The following CNPY2 variants were observed in gnomAD, a reference collection of about 807,000 sequenced individuals.
CNPY2 encodes canopy FGF signaling regulator 2.
In CNPY2, 19 loss-of-function variants were observed where a neutral mutation model predicts 25.5. The ratio of observed to expected loss-of-function variants is 0.74; its 90% CI spans 0.52 to 1.09. The LOEUF (loss-of-function observed/expected upper bound fraction) is 1.09, where lower values mean the gene tolerates loss of function less well. CNPY2 is among the 50% of genes least tolerant of loss of function. CNPY2 has a pLI of 0.00. For synonymous variants in CNPY2, 82 were observed against 85.0 expected (o/e 0.96, Z 0.19); for missense variants, 214 against 233.6 (o/e 0.92, Z 0.55).
chr12:56,312,053 G>T (rs955454139), intron 3 of CNPY2: 13 of 152,348 alleles, frequency 8.5e-5, no homozygotes, highest in Non-Finnish European at 1.9e-4. Flanking sequence ...CTAATTTTTT[G>T]TATTTTTAGT....
At chr12:56,316,338 T>G (rs1174906729), upstream of CNPY2, 1 of 152,192 alleles carries the variant, frequency 6.6e-6, no homozygotes, top group Non-Finnish European at 1.5e-5. Context: ...GCAGTCCAGG[T>G]TTCAATACAC....
At position 56,311,071 on chromosome 12, in the gene CNPY2, G is replaced by A. The variant is rs762263521; in HGVS notation, c.409-17C>T. 20 of 1,612,898 alleles carry A rather than the reference G, an allele frequency of 1.2e-5. No homozygotes were observed. The highest frequency in any genetic ancestry group is 1.7e-5 in the Non-Finnish European group (20 of 1,179,022). ...GCTCTCACACTGCCAACCCAAGGGA[G>A]AAATGGGTGACACAGGGCAATAAGA... is the stretch of plus-strand genomic sequence containing the variant. On this transcript the variant is annotated splice_polypyrimidine_tract_variant and intron_variant, in intron 4 of 5. Coordinates refer to ENST00000273308, the MANE Select transcript of CNPY2 (RefSeq NM_014255.7).
rs1873675608 is a variant in CNPY2 at position 56,310,132 on chromosome 12, T to C, written c.*420A>G. 3.2e-6 allele frequency: 2 copies of C among 628,132 alleles called. No individual in the cohort carries two copies. The highest frequency in any genetic ancestry group is 5.7e-6 in the Non-Finnish European group (2 of 353,806). 38.9% of individuals were successfully genotyped at this position (628,132 alleles called of 1,614,324 possible). A position where few individuals can be genotyped will look rare whatever the true frequency, so the allele number is the denominator to read the frequency against. On this transcript the variant is annotated 3_prime_UTR_variant, in exon 6 of 6. Coordinates refer to ENST00000273308, the MANE Select transcript of CNPY2 (RefSeq NM_014255.7). ...AACAGCCATGAACACAAGGGATTTC[T>C]AGAATTCTACACTACCATACACTAT...
upstream of CNPY2, chr12:56,316,198 T>A (rs916816159): frequency 6.6e-6 from 1 of 152,288 alleles, no homozygotes; most frequent in Non-Finnish European, 1.5e-5. Flanking sequence ...CCACCAGGGG[T>A]CAGCCGTAGA....
chr12:56,310,398 G>A lies in CNPY2; in HGVS notation c.*154C>T, dbSNP rs1873682769. The A allele has an allele frequency of 4.2e-6, 3 of 712,570 alleles. No homozygotes were observed. The highest frequency in any genetic ancestry group is 2.7e-5 in the East Asian group (1 of 37,134). The allele number at this position is 712,570 out of a possible 1,614,324, so 44.1% of individuals were successfully genotyped here. On this transcript the variant is annotated 3_prime_UTR_variant, in exon 6 of 6. Coordinates refer to ENST00000273308, the MANE Select transcript of CNPY2 (RefSeq NM_014255.7). ...TCCTTATCTTCAAGCTTAATGTAAG[G>A]GCAATTCCAGGCATGAAAAGACAAC...
At chr12:56,310,844 A>T in intron 5 of CNPY2, 114 bp downstream of exon 5, 4 of 998,652 alleles carry the variant, frequency 4.0e-6, no homozygotes, top group Non-Finnish European at 6.1e-6. Flanking sequence ...GGGAAATGGA[A>T]GACAGCTCTT....
chr12:56,310,632 C>A (rs921529656), intron 5 of CNPY2, 37 bp from the exon 6 acceptor site: 1 of 1,610,234 alleles, frequency 6.2e-7, no homozygotes, highest in Non-Finnish European at 8.5e-7. Flanking sequence ...ATATGCCATT[C>A]TCATACTGAT....
intron 4 of CNPY2, 30 bp from the exon 5 acceptor site, chr12:56,311,084 C>T (rs750871577): frequency 1.6e-5 from 26 of 1,611,122 alleles, no homozygotes; most frequent in Non-Finnish European, 2.1e-5. Context: ...ATGGGTGACA[C>T]AGGGCAATAA....
rs1873866203 is a variant in CNPY2, at chr12:56,315,179, G to A, written c.39C>T (p.Ala13=). The change falls in exon 2 of 6, where the codon GCC becomes GCT. Residue 13 remains alanine (A), a synonymous_variant. Transcript: ENST00000273308. ...TCCGAGCCCAGGCGGTTCCCAGCAGGGCCCCCAGAAGCAGGGCCAGCCAAC... is the reference window on the plus strand; with the variant it reads ...TCCGAGCCCAGGCGGTTCCCAGCAGAGCCCCCAGAAGCAGGGCCAGCCAAC... ...GWGWLALLLG[A]LLGTAWARRS... is the part of the protein sequence containing the mutation. 6.2e-7 allele frequency: 1 copy of A among 1,614,100 alleles called. No individual in the cohort carries two copies. The highest frequency in any genetic ancestry group is 1.3e-5 in the African/African-American group (1 of 75,018).
Position 56,315,300 on chromosome 12 carries a change from C to T in CNPY2, c.-25-58G>A, listed in dbSNP as rs1198382409. The T allele has an allele frequency of 1.0e-5, 10 of 971,962 alleles. No homozygotes were observed. The South Asian group carries it at 1.1e-4, about 10-fold the overall frequency. The allele number at this position is 971,962 out of a possible 1,614,324, so 60.2% of individuals were successfully genotyped here. A position where few individuals can be genotyped will look rare whatever the true frequency, so the allele number is the denominator to read the frequency against. ...AGGAGCCGACTCCATTTTTCCCTGA[C>T]CCCCCCAATCCTCACCCCAAGGCTT... is the stretch of plus-strand genomic sequence containing the variant. On this transcript the variant is annotated intron_variant, in intron 1 of 5. Transcript: ENST00000273308.
intron 1 of CNPY2, 174 bp downstream of exon 1, chr12:56,315,647 A>G (rs1291431582): frequency 5.2e-6 from 1 of 194,138 alleles, no homozygotes; most frequent in African/African-American, 2.4e-5. Flanking sequence ...GAGGAGAGCA[A>G]TAACTAGGGC....
chr12:56,311,534 G>T, intron 3 of CNPY2, 120 bp from the exon 4 acceptor site: 1 of 1,007,638 alleles, frequency 9.9e-7, no homozygotes, highest in Non-Finnish European at 1.5e-6. Flanking sequence ...TTCCCTAATT[G>T]ATTTTAATTA....
intron 3 of CNPY2, among the ~76,000 whole-genome samples, chr12:56,313,556 G>GTAGT (rs1269819731): frequency 6.6e-6 from 1 of 151,850 alleles, no homozygotes; most frequent in Non-Finnish European, 1.5e-5. Context: ...TATTAAAGAT[G>GTAGT]TAGTGTAGGC....
intron 3 of CNPY2, chr12:56,312,327 G>A (rs1873746067): frequency 6.8e-6 from 1 of 147,066 alleles, no homozygotes; most frequent in Non-Finnish European, 1.5e-5. Flanking sequence ...GGATCTCCCA[G>A]GCTTAGGTGA....
intron 3 of CNPY2, among the ~76,000 whole-genome samples, chr12:56,313,438 C>T (rs549992904): frequency 3.3e-5 from 5 of 151,746 alleles, no homozygotes; most frequent in Non-Finnish European, 5.9e-5. Flanking sequence ...TGCGGTGAGC[C>T]GAGATCGTGT....
At chr12:56,312,222 CT>C (rs56822059) in intron 3 of CNPY2, among the ~76,000 whole-genome samples, 12 of 135,914 alleles carry the variant, frequency 8.8e-5, no homozygotes, top group African/African-American at 3.7e-4. Context: ...CAAAGTACTT[CT>C]TTTTTTTTTT....
chr12:56,313,698 C>G (rs1387993773), intron 3 of CNPY2, among the ~76,000 whole-genome samples: 3 of 150,548 alleles, frequency 2.0e-5, no homozygotes. Context: ...CTCTGCCTCC[C>G]GAGTTCACGC....
intron 3 of CNPY2, chr12:56,314,458 G>T (rs1451000787): frequency 7.3e-6 from 8 of 1,095,388 alleles, no homozygotes; most frequent in East Asian, 6.8e-5. Flanking sequence ...TGTTGTTTTC[G>T]ATTAAAATTT....
chr12:56,311,104 T>A, intron 4 of CNPY2, 50 bp from the exon 5 acceptor site: 2 of 1,605,852 alleles, frequency 1.2e-6, no homozygotes, highest in South Asian at 2.2e-5. Flanking sequence ...AGAGGCCTCT[T>A]GCCTTCACTT....
Sources: gnomAD v4.1 joint callset for allele counts (sites outside exome capture counted in the v4.1 genomes callset) on GRCh38, gnomAD v4.1.1 for gene constraint, MANE v1.5 for transcripts, NCBI Gene and HGNC (gene_info 2026-07-23, HGNC 2026-07-21) for gene names.